The following FAM117B variants were observed in gnomAD, a reference collection of about 807,000 sequenced individuals.
The protein encoded by FAM117B is family with sequence similarity 117 member B.
FAM117B carries 22 observed loss-of-function variants against 52.8 expected under a neutral mutation model. The ratio of observed to expected loss-of-function variants is 0.42; its 90% confidence interval spans 0.30 to 0.59. The LOEUF (loss-of-function observed/expected upper bound fraction) is 0.59, where lower values mean the gene tolerates loss of function less well. Ranked by LOEUF, FAM117B falls within the 20% of genes least tolerant of loss-of-function variation. The pLI is 0.22. For synonymous variants in FAM117B, 309 were observed against 324.1 expected (o/e 0.95, Z 0.50); for missense variants, 678 against 802.6 (o/e 0.84, Z 1.88).
Position 202,766,059 on chromosome 2 carries a change from A to T in FAM117B, c.*295A>T. On this transcript the variant is annotated 3_prime_UTR_variant, in exon 8 of 8. Transcript: ENST00000392238. ...TTTTGTTTTCGAATTAGACTTCTTT[A>T]AAACACACACACACACACACACACA... 7.4e-6 allele frequency: 2 copies of T among 270,288 alleles called. No homozygotes were observed. The highest frequency in any genetic ancestry group is 1.3e-5 in the Non-Finnish European group (2 of 148,912). The allele number at this position is 270,288 out of a possible 1,614,324, so 16.7% of individuals were successfully genotyped here.
intron 7 of FAM117B, among the ~76,000 whole-genome samples, chr2:202,762,990 T>G (rs997291507): frequency 6.6e-6 from 1 of 151,842 alleles, no homozygotes; most frequent in Non-Finnish European, 1.5e-5. Context: ...GATCAAAAAC[T>G]TTATCTAAAT....
intron 1 of FAM117B, among the ~76,000 whole-genome samples, chr2:202,652,051 C>CT (rs1471987001): frequency 9.7e-6 from 1 of 103,388 alleles, no homozygotes; most frequent in East Asian, 2.6e-4. Flanking sequence ...GAAACTCTGT[C>CT]TAAAAAAAAA....
At chr2:202,701,995 A>G (rs572844780) in intron 2 of FAM117B, among the ~76,000 whole-genome samples, 62 of 152,320 alleles carry the variant, frequency 4.1e-4, no homozygotes, top group African/African-American at 1.4e-3. Flanking sequence ...GAGAAATTGT[A>G]CTATGGGCAA....
chr2:202,652,273 A>AT (rs200864839), intron 1 of FAM117B, among the ~76,000 whole-genome samples: 33 of 151,208 alleles, frequency 2.2e-4, no homozygotes, highest in Middle Eastern at 3.4e-3. Flanking sequence ...TAATTTCTTT[A>AT]TTTTTTTTGT....
intron 2 of FAM117B, among the ~76,000 whole-genome samples, chr2:202,705,666 C>T (rs1330401488): frequency 6.6e-6 from 1 of 152,182 alleles, no homozygotes; most frequent in Non-Finnish European, 1.5e-5. Context: ...ACACTGCCTC[C>T]GTGTTCTTTT....
chr2:202,677,950 C>T (rs559339561), intron 1 of FAM117B, among the ~76,000 whole-genome samples: 1 of 152,030 alleles, frequency 6.6e-6, no homozygotes, highest in Non-Finnish European at 1.5e-5. Flanking sequence ...TTCATCTAGT[C>T]CTTGATGCAT....
chr2:202,708,677 C>T (rs1246821616), intron 2 of FAM117B, among the ~76,000 whole-genome samples: 1 of 152,160 alleles, frequency 6.6e-6, no homozygotes, highest in Non-Finnish European at 1.5e-5. Flanking sequence ...GTGATCTTAG[C>T]TCACTGCAGC....
At chr2:202,644,835 C>T (rs79853431) in intron 1 of FAM117B, among the ~76,000 whole-genome samples, 3,594 of 152,272 alleles carry the variant, frequency 0.024, 130 homozygotes, top group African/African-American at 0.081. Flanking sequence ...GTGATGGTGT[C>T]TGTCCTCTGT....
intron 4 of FAM117B, among the ~76,000 whole-genome samples, chr2:202,752,940 G>A (rs1470754121): frequency 6.6e-6 from 1 of 152,114 alleles, no homozygotes; most frequent in African/African-American, 2.4e-5. Context: ...TGGCCATACT[G>A]CCCAAAGTAA....
chr2:202,765,874 A>G lies in FAM117B; in HGVS notation c.*110A>G. The stretch of plus-strand genomic sequence containing the variant: ...CGGCTGTGATGTGCTCCAGCTTTCC[A>G]GTGACATGTGACGGCGAGGCTTCTG... On this transcript the variant is annotated 3_prime_UTR_variant, in exon 8 of 8. Coordinates refer to ENST00000392238, the MANE Select transcript of FAM117B (RefSeq NM_173511.4). 1 of 1,173,314 alleles carries G rather than the reference A, an allele frequency of 8.5e-7. No individual in the cohort carries two copies. Among genetic ancestry groups the G allele is most frequent in the South Asian group, 1.6e-5 (1 of 63,148 alleles). The allele number at this position is 1,173,314 out of a possible 1,614,324, so 72.7% of individuals were successfully genotyped here.
At chr2:202,718,762 T>G (rs1053938720) in intron 2 of FAM117B, among the ~76,000 whole-genome samples, 1 of 152,194 alleles carries the variant, frequency 6.6e-6, no homozygotes, top group Admixed American at 6.5e-5. Context: ...CGATCTAGTT[T>G]GTTTGGAATG....
In FAM117B at chr2:202,763,105, T is replaced by G. The variant is rs1276041374; in HGVS notation, c.1452-2341T>G. ...TTTTTTTTTTGAGACAGAGTCTCACTCTGTCGCCCAGGCTGGAGTGCAGTG... is the reference window on the plus strand; with the variant it reads ...TTTTTTTTTTGAGACAGAGTCTCACGCTGTCGCCCAGGCTGGAGTGCAGTG... On this transcript the variant is annotated intron_variant, in intron 7 of 7. Transcript: ENST00000392238. 1.1e-4 allele frequency among the ~76,000 whole-genome samples: 15 copies of G among 138,606 alleles called. No homozygotes were observed. In the Admixed American group the frequency reaches 1.1e-3, roughly 10 times the overall value. The allele number at this position is 138,606 out of a possible 152,430, so 90.9% of individuals were successfully genotyped here.
chr2:202,718,132 G>T (rs1691086298), intron 2 of FAM117B, among the ~76,000 whole-genome samples: 1 of 152,008 alleles, frequency 6.6e-6, no homozygotes, highest in Admixed American at 6.5e-5. Context: ...AAGCTCTTCA[G>T]TCAGCTTGTG....
chr2:202,678,860 G>T (rs1690419605), intron 1 of FAM117B, among the ~76,000 whole-genome samples: 1 of 152,096 alleles, frequency 6.6e-6, no homozygotes, highest in Admixed American at 6.6e-5. Flanking sequence ...ACCCGGACAA[G>T]GGTGGACACA....
At chr2:202,763,774 A>T (rs940464322) in intron 7 of FAM117B, among the ~76,000 whole-genome samples, 1 of 152,198 alleles carries the variant, frequency 6.6e-6, no homozygotes, top group Non-Finnish European at 1.5e-5. Flanking sequence ...AAAGCTCTCC[A>T]TAGTGTTCAC....
chr2:202,671,604 T>A (rs1373066890), intron 1 of FAM117B, among the ~76,000 whole-genome samples: 1 of 152,214 alleles, frequency 6.6e-6, no homozygotes, highest in Non-Finnish European at 1.5e-5. Flanking sequence ...ACACTGGCTG[T>A]GAATGGAAAT....
At chr2:202,697,304 A>G (rs1252666818) in intron 2 of FAM117B, among the ~76,000 whole-genome samples, 6 of 152,196 alleles carry the variant, frequency 3.9e-5, no homozygotes, top group Non-Finnish European at 7.3e-5. Context: ...TGGCTTGTCT[A>G]TTGCTGTATT....
In FAM117B at chr2:202,759,402, T is replaced by A. The variant is rs1318220678; in HGVS notation, c.1451+49T>A. 6 of 1,587,770 alleles carry A rather than the reference T, an allele frequency of 3.8e-6. No individual in the cohort carries two copies. In the East Asian group the frequency reaches 9.0e-5, roughly 24 times the overall value. On this transcript the variant is annotated intron_variant, in intron 7 of 7. Coordinates refer to ENST00000392238, the MANE Select transcript of FAM117B (RefSeq NM_173511.4). Reference sequence around the variant, plus strand: ...CACAAAAAAACTATTATGAGCTTTTTTTTTTGAGATAGGATCTCACTCTGT... The same window carrying A: ...CACAAAAAAACTATTATGAGCTTTTATTTTTGAGATAGGATCTCACTCTGT...
At chr2:202,675,344 G>A (rs1216602319) in intron 1 of FAM117B, among the ~76,000 whole-genome samples, 1 of 151,070 alleles carries the variant, frequency 6.6e-6, no homozygotes, top group Non-Finnish European at 1.5e-5. Context: ...TACTTGGGAG[G>A]CTGAGGAGGG....
Sources: gnomAD v4.1 joint callset for allele counts (sites outside exome capture counted in the v4.1 genomes callset) on GRCh38, gnomAD v4.1.1 for gene constraint, MANE v1.5 for transcripts, NCBI Gene and HGNC (gene_info 2026-07-23, HGNC 2026-07-21) for gene names.